Variants in SIK3 observed in about 807,000 individuals in gnomAD.
SIK3 encodes SIK family kinase 3, also known as serine/threonine-protein kinase SIK3.
In SIK3, 28 loss-of-function variants were observed where a neutral mutation model predicts 144.2. That is an observed-to-expected ratio of 0.19 (90% CI 0.14 to 0.27). SIK3 has a LOEUF of 0.27. SIK3 is among the 10% of genes least tolerant of loss of function. The probability of loss-of-function intolerance (pLI) is 1.00; values close to 1 mark genes in which losing one functional copy is unlikely to be tolerated. For missense variants in SIK3, 1,319 were observed against 1,776.0 expected (o/e 0.74, Z 4.62); for synonymous variants, 686 against 676.3 (o/e 1.01, Z -0.22).
intron 20 of SIK3, 87 bp downstream of exon 20, chr11:116,859,178 T>G (rs1208559953): frequency 2.3e-5 from 29 of 1,250,946 alleles, no homozygotes; most frequent in Middle Eastern, 2.1e-4. Flanking sequence ...CCCATTCTCC[T>G]TCCCTCCTTT....
rs1389532608 is a variant in SIK3 at position 116,845,030 on chromosome 11, G to C, written c.*613C>G. ...AAAGACCTCTCTGCGTTCCAGGCTT[G>C]GGGGTTTCTCTTTTTTTGTTCTTTT... On this transcript the variant is annotated 3_prime_UTR_variant, in exon 25 of 25. Coordinates refer to ENST00000445177, the MANE Select transcript of SIK3 (RefSeq NM_001366686.3). The C allele has an allele frequency of 6.6e-6, 1 of 152,072 alleles. No homozygotes were observed. Among genetic ancestry groups the C allele is most frequent in the Non-Finnish European group, 1.5e-5 (1 of 68,052 alleles). 9.4% of individuals were successfully genotyped at this position (152,072 alleles called of 1,614,324 possible).
At chr11:116,951,590 T>C (rs1445930158) in intron 3 of SIK3, among the ~76,000 whole-genome samples, 4 of 152,168 alleles carry the variant, frequency 2.6e-5, no homozygotes, top group African/African-American at 9.7e-5. Flanking sequence ...TGTTTGTTCA[T>C]CCCTTGAGGT....
intron 4 of SIK3, among the ~76,000 whole-genome samples, chr11:116,913,368 G>C (rs1161468504): frequency 6.6e-6 from 1 of 151,966 alleles, no homozygotes; most frequent in Non-Finnish European, 1.5e-5. Flanking sequence ...TTTCCAATGA[G>C]TGACTTATGT....
At chr11:117,095,611 G>A (rs186714729) in intron 1 of SIK3, among the ~76,000 whole-genome samples, 4 of 152,212 alleles carry the variant, frequency 2.6e-5, no homozygotes, top group East Asian at 3.9e-4. Flanking sequence ...ACTGTATGTC[G>A]ACAGCTGTTA....
chr11:117,060,790 A>G (rs1300698716), intron 1 of SIK3, among the ~76,000 whole-genome samples: 2 of 152,200 alleles, frequency 1.3e-5, no homozygotes, highest in East Asian at 3.8e-4. Context: ...TAAACTATGA[A>G]TTTTAGTTAA....
At chr11:116,850,439 A>G (rs987819851) in intron 21 of SIK3, among the ~76,000 whole-genome samples, 13 of 152,174 alleles carry the variant, frequency 8.5e-5, no homozygotes, top group Non-Finnish European at 1.6e-4. Flanking sequence ...ACTCCTGCCA[A>G]TCCAAAGCAA....
At chr11:116,884,950 T>C (rs1288841917) in intron 6 of SIK3, among the ~76,000 whole-genome samples, 1 of 152,232 alleles carries the variant, frequency 6.6e-6, no homozygotes, top group Non-Finnish European at 1.5e-5. Context: ...GAAACATTTA[T>C]TTTCAGTTGC....
chr11:116,934,152 ACTAT>A (rs1947776264), intron 3 of SIK3, among the ~76,000 whole-genome samples: 1 of 152,226 alleles, frequency 6.6e-6, no homozygotes, highest in South Asian at 2.1e-4. Context: ...TAGTTGGTGT[ACTAT>A]CTGTCTTCTC....
intron 13 of SIK3, among the ~76,000 whole-genome samples, chr11:116,870,837 G>A (rs11216168): frequency 0.15 from 22,294 of 152,140 alleles, 1,701 homozygotes; most frequent in Admixed American, 0.17. Context: ...CCTGAAGGAT[G>A]CACAGGAGCT....
chr11:117,061,198 G>T (rs190078061), intron 1 of SIK3, among the ~76,000 whole-genome samples: 1 of 151,980 alleles, frequency 6.6e-6, no homozygotes, highest in Admixed American at 6.6e-5. Flanking sequence ...GGTAAGCTGC[G>T]ATCATACCAC....
chr11:116,958,763 G>C (rs1272830257), intron 1 of SIK3, among the ~76,000 whole-genome samples: 1 of 152,068 alleles, frequency 6.6e-6, no homozygotes. Flanking sequence ...AAGAAGTCTT[G>C]GATAATATAA....
intron 1 of SIK3, among the ~76,000 whole-genome samples, chr11:116,957,663 C>T (rs1419653303): frequency 6.6e-6 from 1 of 152,072 alleles, no homozygotes; most frequent in African/African-American, 2.4e-5. Context: ...TTTGGAAGTA[C>T]TAACTCATTT....
Position 116,896,480 on chromosome 11 carries a change from A to T in SIK3, c.742-104T>A. 2.4e-6 allele frequency: 3 copies of T among 1,268,508 alleles called. 1 individual carries two copies. In the South Asian group the frequency reaches 4.5e-5, roughly 19 times the overall value. 78.6% of individuals were successfully genotyped at this position (1,268,508 alleles called of 1,614,324 possible). On this transcript the variant is annotated intron_variant, in intron 5 of 24. Transcript: ENST00000445177. ...ATGATGGTGAGTCATGCATACGATT[A>T]TGGAACAAACTTTTTCTTCCATCTT...
chr11:117,085,895 G>A (rs1335974556), intron 1 of SIK3, among the ~76,000 whole-genome samples: 1 of 152,210 alleles, frequency 6.6e-6, no homozygotes, highest in East Asian at 1.9e-4. Context: ...AGAGGTTGCA[G>A]TGAGCCGAGA....
intron 3 of SIK3, among the ~76,000 whole-genome samples, chr11:116,934,172 G>A (rs1947777668): frequency 6.6e-6 from 1 of 152,130 alleles, no homozygotes; most frequent in Non-Finnish European, 1.5e-5. Flanking sequence ...TTCTCCACTA[G>A]AAAACAAGCT....
intron 1 of SIK3, among the ~76,000 whole-genome samples, chr11:117,090,131 AATATTT>A (rs556669685): frequency 2.0e-5 from 3 of 152,370 alleles, no homozygotes; most frequent in South Asian, 4.1e-4. Flanking sequence ...TTTATTTAGC[AATATTT>A]TATTAGATTA....
Position 116,853,326 on chromosome 11 carries a change from G to C in SIK3, c.3656-4043C>G, listed in dbSNP as rs374055285. Among the ~76,000 whole-genome samples, 3 of 152,302 alleles carry C rather than the reference G, an allele frequency of 2.0e-5. No individual in the cohort carries two copies. In the East Asian group the frequency reaches 5.8e-4, roughly 29 times the overall value. ...ACTGCCCAAGGAACATGACATTCAGGATCAAATCTTTGGCAACCCTTTATG... is the reference window on the plus strand; with the variant it reads ...ACTGCCCAAGGAACATGACATTCAGCATCAAATCTTTGGCAACCCTTTATG... On this transcript the variant is annotated intron_variant, in intron 21 of 24. Transcript: ENST00000445177.
At chr11:116,965,734 A>AAAAT (rs1949505613) in intron 1 of SIK3, among the ~76,000 whole-genome samples, 1 of 118,402 alleles carries the variant, frequency 8.4e-6, no homozygotes, top group Non-Finnish European at 1.6e-5. Flanking sequence ...TCTCTGCTAA[A>AAAAT]ATATATATAT....
At position 116,851,948 on chromosome 11, in the gene SIK3, C is replaced by T. The variant is rs1565357695; in HGVS notation, c.3656-2665G>A. Among the ~76,000 whole-genome samples the T allele has an allele frequency of 2.6e-5, 4 of 152,378 alleles. 1 individual carries two copies. In the South Asian group the frequency reaches 8.3e-4, roughly 32 times the overall value. On this transcript the variant is annotated intron_variant, in intron 21 of 24. Transcript: ENST00000445177. ...AAACCTATATTGTCTTCTTTGATAA[C>T]TAACATCATCCACTCAATTCCTCGG...
Sources: gnomAD v4.1 joint callset for allele counts (sites outside exome capture counted in the v4.1 genomes callset) on GRCh38, gnomAD v4.1.1 for gene constraint, MANE v1.5 for transcripts, NCBI Gene and HGNC (gene_info 2026-07-23, HGNC 2026-07-21) for gene names.